The following DNAH17 variants were observed in gnomAD, a reference collection of about 807,000 sequenced individuals.
DNAH17 encodes the protein axonemal beta dynein heavy chain 17.
In DNAH17, 376 loss-of-function variants were observed where a neutral mutation model predicts 485.6. The ratio of observed to expected loss-of-function variants is 0.77; its 90% CI spans 0.71 to 0.84. DNAH17 has a LOEUF of 0.84. Among genes scored for constraint, DNAH17 ranks in the 40% least tolerant of loss-of-function variants. The probability of loss-of-function intolerance (pLI) is 0.00; values close to 1 mark genes in which losing one functional copy is unlikely to be tolerated. For missense variants in DNAH17, 6,370 were observed against 5,839.3 expected (o/e 1.09, Z -2.96); for synonymous variants, 3,031 against 2,405.9 (o/e 1.26, Z -7.60).
intron 11 of DNAH17, among the ~76,000 whole-genome samples, chr17:78,564,666 C>T (rs1568263182): frequency 6.6e-6 from 1 of 152,162 alleles, no homozygotes; most frequent in African/African-American, 2.4e-5. Flanking sequence ...AACAACCAGC[C>T]TCCCTTGTCA....
In DNAH17 at chr17:78,566,595, G is replaced by A. The variant is rs374045750; in HGVS notation, c.1569+19C>T. 39 of 1,547,216 alleles carry A rather than the reference G, an allele frequency of 2.5e-5. No homozygotes were observed. The Middle Eastern group carries it at 5.0e-4, about 20-fold the overall frequency. Reference sequence around the variant, plus strand: ...AGTGCCAGGCTCCAGATCTGCCTGCGTCTCCACTGCATGCTTACCTTTGCG... The same window carrying A: ...AGTGCCAGGCTCCAGATCTGCCTGCATCTCCACTGCATGCTTACCTTTGCG... On this transcript the variant is annotated intron_variant, in intron 11 of 80. Coordinates refer to ENST00000389840, the MANE Select transcript of DNAH17 (RefSeq NM_173628.4).
intron 3 of DNAH17, 60 bp from the exon 4 acceptor site, chr17:78,571,842 G>T: frequency 6.8e-7 from 1 of 1,472,338 alleles, no homozygotes; most frequent in Non-Finnish European, 9.2e-7. Context: ...GTCCCACCAA[G>T]CTCTCCCATG....
At position 78,478,695 on chromosome 17, in the gene DNAH17, C is replaced by T. The variant is rs1006086682; in HGVS notation, c.7992+330G>A. ...ACTACCACCATCATCACAATTATTACCATCATTACCATCACCACCACTATT... is the reference window on the plus strand; with the variant it reads ...ACTACCACCATCATCACAATTATTATCATCATTACCATCACCACCACTATT... On this transcript the variant is annotated intron_variant, in intron 51 of 80. Coordinates refer to ENST00000389840, the MANE Select transcript of DNAH17 (RefSeq NM_173628.4). Among the ~76,000 whole-genome samples, 6 of 139,962 alleles carry T rather than the reference C, an allele frequency of 4.3e-5. No homozygotes were observed. The South Asian group carries it at 1.3e-3, about 30-fold the overall frequency. The allele number at this position is 139,962 out of a possible 152,430, so 91.8% of individuals were successfully genotyped here. A position where few individuals can be genotyped will look rare whatever the true frequency, so the allele number is the denominator to read the frequency against.
chr17:78,534,739 AGGTGAGACCTGCTGCCT>A (rs1055355685), intron 19 of DNAH17, among the ~76,000 whole-genome samples: 1 of 152,238 alleles, frequency 6.6e-6, no homozygotes, highest in African/African-American at 2.4e-5. Context: ...TACCAGAGGC[AGGTGAGACCTGCTGCCT>A]GGGGTCTCTG....
intron 16 of DNAH17, 70 bp from the exon 17 acceptor site, chr17:78,544,067 T>G: frequency 6.2e-7 from 1 of 1,603,428 alleles, no homozygotes; most frequent in Non-Finnish European, 8.5e-7. Flanking sequence ...TCCTTTGCTG[T>G]GTGCTTTTGA....
Position 78,451,400 on chromosome 17 carries a change from T to C in DNAH17, c.10734+69A>G, listed in dbSNP as rs900886403. The stretch of plus-strand genomic sequence containing the variant: ...GACTGGCAGCCCTGGTCGGGGACCC[T>C]CACAGTGACCTGGCCCCCTCTGTGT... On this transcript the variant is annotated intron_variant, in intron 66 of 80. Coordinates refer to ENST00000389840, the MANE Select transcript of DNAH17 (RefSeq NM_173628.4). 3 of 1,461,046 alleles carry C rather than the reference T, an allele frequency of 2.1e-6. No individual in the cohort carries two copies. In the African/African-American group the frequency reaches 4.3e-5, roughly 21 times the overall value. 90.5% of individuals were successfully genotyped at this position (1,461,046 alleles called of 1,614,324 possible).
intron 68 of DNAH17, 21 bp downstream of exon 68, chr17:78,450,233 A>G: frequency 1.2e-6 from 2 of 1,612,798 alleles, no homozygotes; most frequent in Non-Finnish European, 1.7e-6. Flanking sequence ...GGAGGCACCC[A>G]GCCCCAGCTG....
chr17:78,479,453 G>A (rs778288977), intron 50 of DNAH17, 32 bp downstream of exon 50: 24 of 1,576,830 alleles, frequency 1.5e-5, no homozygotes, highest in Non-Finnish European at 2.0e-5. Flanking sequence ...AGGTTTTACC[G>A]ATGGGAGAGG....
intron 41 of DNAH17, 67 bp downstream of exon 41, chr17:78,493,969 G>T: frequency 6.5e-7 from 1 of 1,539,742 alleles, no homozygotes; most frequent in South Asian, 1.2e-5. Flanking sequence ...ATGGAGGGCC[G>T]ACCCTTCGCC....
intron 35 of DNAH17, 115 bp downstream of exon 35, chr17:78,501,069 G>T (rs1167928376): frequency 8.0e-7 from 1 of 1,249,506 alleles, no homozygotes; most frequent in Non-Finnish European, 1.1e-6. Flanking sequence ...TCCACCTGAC[G>T]CAAATGCCCA....
intron 69 of DNAH17, 71 bp from the exon 70 acceptor site, chr17:78,445,751 G>A: frequency 6.6e-7 from 1 of 1,519,324 alleles, no homozygotes; most frequent in South Asian, 1.2e-5. Context: ...GATGCGCGCT[G>A]GACTCGAAGA....
At chr17:78,488,658 T>C (rs2146660057) in intron 44 of DNAH17, among the ~76,000 whole-genome samples, 1 of 152,214 alleles carries the variant, frequency 6.6e-6, no homozygotes, top group South Asian at 2.1e-4. Context: ...CAAAAGAATG[T>C]CCACCCAGAA....
intron 27 of DNAH17, 75 bp downstream of exon 27, chr17:78,510,309 G>T: frequency 6.3e-7 from 1 of 1,584,562 alleles, no homozygotes; most frequent in South Asian, 1.1e-5. Context: ...ACCCCTCTGG[G>T]CGCTCTCAGT....
In DNAH17 at chr17:78,552,603, C is replaced by T. The variant is rs1193234755; in HGVS notation, c.2287+94G>A. 1.5e-5 allele frequency: 12 copies of T among 816,498 alleles called. No individual in the cohort carries two copies. In the South Asian group the frequency reaches 1.9e-4, roughly 13 times the overall value. The allele number at this position is 816,498 out of a possible 1,614,324, so 50.6% of individuals were successfully genotyped here. On this transcript the variant is annotated intron_variant, in intron 15 of 80. Transcript: ENST00000389840. ...AAAGCAGATCCACACAGCCAGGAGG[C>T]AGAAGTGACCACTCTAGTGGTGTTT...
intron 42 of DNAH17, 41 bp from the exon 43 acceptor site, chr17:78,491,611 G>A (rs757102065): frequency 2.4e-5 from 39 of 1,600,124 alleles, no homozygotes; most frequent in Middle Eastern, 1.8e-4. Flanking sequence ...CCTTCACTCC[G>A]GCCCCATTCC....
rs753440799 is a variant in DNAH17 at position 78,543,961 on chromosome 17, T to C, written c.2428A>G (p.Asn810Asp). 5 of 1,613,940 alleles carry C rather than the reference T, an allele frequency of 3.1e-6. No individual in the cohort carries two copies. Among genetic ancestry groups the C allele is most frequent in the African/African-American group, 1.3e-5 (1 of 74,954 alleles). Residue 810 changes from asparagine (N) to aspartate (D), a missense_variant, in exon 17 of 81, where the codon AAT becomes GAT. Transcript: ENST00000389840. ...SANPLFERKD[N>D]KKEALLDLDG... The stretch of plus-strand genomic sequence containing the variant: ...AAGTCTAACAGGGCCTCTTTCTTAT[T>C]GTCCTTTCTTTCAAACAGCGGGTTG...
intron 1 of DNAH17, among the ~76,000 whole-genome samples, chr17:78,576,872 C>T (rs2092440284): frequency 6.6e-6 from 1 of 152,220 alleles, no homozygotes; most frequent in Admixed American, 6.5e-5. Flanking sequence ...TCTCAGGCTC[C>T]CACCCAGCCG....
At position 78,486,422 on chromosome 17, in the gene DNAH17, C is replaced by G; in HGVS notation, c.6903G>C (p.Thr2301=). Residue 2301 remains threonine (T), a synonymous_variant, in exon 45 of 81, where the codon ACG becomes ACC. Coordinates refer to ENST00000389840, the MANE Select transcript of DNAH17 (RefSeq NM_173628.4). ...ACCCAAAGCGCAACTTGTCCAGGCACGTGGGCAGGTACTTGTCAAAGAGGA... is the reference window on the plus strand; with the variant it reads ...ACCCAAAGCGCAACTTGTCCAGGCAGGTGGGCAGGTACTTGTCAAAGAGGA... ...LMILFDKYLP[T]CLDKLRFGFK... 6.2e-7 allele frequency: 1 copy of G among 1,613,786 alleles called. No individual in the cohort carries two copies.
In DNAH17 at chr17:78,423,879, G is replaced by T; in HGVS notation, c.*27C>A. 1 of 1,612,484 alleles carries T rather than the reference G, an allele frequency of 6.2e-7. No individual in the cohort carries two copies. The highest frequency in any genetic ancestry group is 8.5e-7 in the Non-Finnish European group (1 of 1,178,898). Reference sequence around the variant, plus strand: ...GGCTGAGTTGTGGTCCAGCCCCAGGGAGTGTGGGCTGTGAGGCAGGAGCGA... The same window carrying T: ...GGCTGAGTTGTGGTCCAGCCCCAGGTAGTGTGGGCTGTGAGGCAGGAGCGA... On this transcript the variant is annotated 3_prime_UTR_variant, in exon 81 of 81. Coordinates refer to ENST00000389840, the MANE Select transcript of DNAH17 (RefSeq NM_173628.4).
Sources: allele counts gnomAD v4.1 joint callset (sites outside exome capture counted in the v4.1 genomes callset), GRCh38; gene constraint gnomAD v4.1.1; transcripts MANE v1.5; gene names NCBI Gene and HGNC (gene_info 2026-07-23, HGNC 2026-07-21).